Variants in ANKRD62 observed in about 807,000 individuals in gnomAD.
ANKRD62 encodes ankyrin repeat domain-containing protein 62.
ANKRD62 carries 61 observed loss-of-function variants against 98.8 expected under a neutral mutation model. The observed-to-expected ratio is 0.62, with a 90% CI of 0.50 to 0.76. The LOEUF (loss-of-function observed/expected upper bound fraction) is 0.76. Ranked by LOEUF, ANKRD62 falls within the 30% of genes least tolerant of loss-of-function variation. ANKRD62 has a pLI of 0.00. For missense variants in ANKRD62, 933 were observed against 1,082.9 expected (o/e 0.86, Z 1.94); for synonymous variants, 341 against 367.9 (o/e 0.93, Z 0.84).
rs1238595307 is a variant in ANKRD62 at position 12,097,792 on chromosome 18, G to A, written c.752+15G>A. 7.8e-6 allele frequency: 12 copies of A among 1,534,174 alleles called. No homozygotes were observed. Among genetic ancestry groups the A allele is most frequent in the Admixed American group, 2.0e-5 (1 of 50,226 alleles). On this transcript the variant is annotated intron_variant, in intron 5 of 13. Transcript: ENST00000587848. ...AAGTTTCAAGCGTAAGTGTTAAAAA[G>A]GCTAGTGAACACTAAATTGAGGTTT...
At chr18:12,170,958 C>G in the ANKRD62 span, among the ~76,000 whole-genome samples, 1 of 137,028 alleles carries the variant, frequency 7.3e-6, no homozygotes, top group African/African-American at 2.7e-5. Context: ...GCAACCCCTG[C>G]TTTTTTTTTT....
the ANKRD62 span, among the ~76,000 whole-genome samples, chr18:12,160,835 A>G: frequency 2.6e-5 from 4 of 152,156 alleles, no homozygotes. Flanking sequence ...TTAAGAACAA[A>G]AAATGGCGGT....
At chr18:12,118,070 C>G (rs1227239478) in intron 10 of ANKRD62, among the ~76,000 whole-genome samples, 2 of 152,128 alleles carry the variant, frequency 1.3e-5, no homozygotes, top group South Asian at 2.1e-4. Context: ...ATTGGCACAT[C>G]AGAATCACCT....
chr18:12,113,476 A>G lies in ANKRD62; in HGVS notation c.1065-1612A>G, dbSNP rs1909592358. On this transcript the variant is annotated intron_variant, in intron 8 of 13. Coordinates refer to ENST00000587848, the MANE Select transcript of ANKRD62 (RefSeq NM_001277333.2). ...CATCGTCTCTACTAAAAATACAAAA[A>G]TTAACCTGGCGTGGTGGCACTCGCC... Among the ~76,000 whole-genome samples the G allele has an allele frequency of 2.0e-5, 3 of 152,198 alleles. No homozygotes were observed. In the South Asian group the frequency reaches 6.2e-4, roughly 31 times the overall value.
At chr18:12,177,235 G>A in the ANKRD62 span, among the ~76,000 whole-genome samples, 1 of 152,160 alleles carries the variant, frequency 6.6e-6, no homozygotes, top group Admixed American at 6.5e-5. Context: ...AACCTTCTGT[G>A]GGGAGAGTAA....
In ANKRD62 at chr18:12,128,643, C is replaced by A. The variant is rs1027157556; in HGVS notation, c.*704C>A. ...AAGATGACACTTTTAAATAAATTAT[C>A]TCCTAATGATGACATGAGCCCTGCC... On this transcript the variant is annotated 3_prime_UTR_variant, in exon 14 of 14. Transcript: ENST00000587848. The A allele has an allele frequency of 1.2e-4, 18 of 152,216 alleles. No homozygotes were observed. Among genetic ancestry groups the A allele is most frequent in the African/African-American group, 4.1e-4 (17 of 41,442 alleles). 9.4% of individuals were successfully genotyped at this position (152,216 alleles called of 1,614,324 possible). A position where few individuals can be genotyped will look rare whatever the true frequency, so the allele number is the denominator to read the frequency against.
In ANKRD62 at chr18:12,102,441, G is replaced by A. The variant is rs574523721; in HGVS notation, c.821-717G>A. 1.3e-5 allele frequency: 6 copies of A among 474,296 alleles called. 1 individual carries two copies. Among genetic ancestry groups the A allele is most frequent in the South Asian group, 9.8e-5 (5 of 50,960 alleles). 29.4% of individuals were successfully genotyped at this position (474,296 alleles called of 1,614,324 possible). A position where few individuals can be genotyped will look rare whatever the true frequency, so the allele number is the denominator to read the frequency against. ...AGAGCTCAGCCTCCTTGGGCACCGC[G>A]AAGGGTACTCAGTCTCCAGAGAACC... is the stretch of plus-strand genomic sequence containing the variant. On this transcript the variant is annotated intron_variant, in intron 6 of 13. Coordinates refer to ENST00000587848, the MANE Select transcript of ANKRD62 (RefSeq NM_001277333.2).
intron 10 of ANKRD62, among the ~76,000 whole-genome samples, chr18:12,121,426 C>T (rs1398898777): frequency 2.0e-5 from 3 of 152,100 alleles, no homozygotes; most frequent in East Asian, 1.9e-4. Flanking sequence ...CTTTTTCTAT[C>T]GTGTCCCCTC....
chr18:12,166,595 G>C, the ANKRD62 span, among the ~76,000 whole-genome samples: 1 of 151,904 alleles, frequency 6.6e-6, no homozygotes, highest in Non-Finnish European at 1.5e-5. Context: ...AGTCTGAAAA[G>C]TCACATATCT....
chr18:12,160,662 G>C, the ANKRD62 span, among the ~76,000 whole-genome samples: 1 of 152,114 alleles, frequency 6.6e-6, no homozygotes, highest in Non-Finnish European at 1.5e-5. Flanking sequence ...TTATCTATCA[G>C]CAGCTCTTAT....
chr18:12,154,200 A>C, the ANKRD62 span, among the ~76,000 whole-genome samples: 5 of 152,238 alleles, frequency 3.3e-5, no homozygotes, highest in African/African-American at 1.2e-4. Flanking sequence ...CAAACTATGA[A>C]TCTGACAAAG....
At position 12,095,507 on chromosome 18, in the gene ANKRD62, A is replaced by C. The variant is rs1411403510; in HGVS notation, c.404A>C (p.Asp135Ala). ...CATGGCGCCAACCCAAATGTTAGAGATATGTATGGCAACACTGCTCTGCAC... is the reference window on the plus strand; with the variant it reads ...CATGGCGCCAACCCAAATGTTAGAGCTATGTATGGCAACACTGCTCTGCAC... ...LEHGANPNVR[D>A]MYGNTALHYA... is the part of the protein sequence containing the mutation. Residue 135 changes from aspartate to alanine, a missense_variant, in exon 3 of 14, where the codon GAT becomes GCT. This residue lies in a region of ANKRD62 where 549 missense variants were observed against 587.9 expected (regional missense o/e 0.93). Transcript: ENST00000587848. 4.5e-6 allele frequency: 7 copies of C among 1,570,758 alleles called. No individual in the cohort carries two copies. Among genetic ancestry groups the C allele is most frequent in the Non-Finnish European group, 3.4e-6 (4 of 1,164,192 alleles).
rs1246418531 is a variant in ANKRD62 at position 12,128,087 on chromosome 18, AT to A, written c.*153del. 1 of 438,178 alleles carries A rather than the reference AT, an allele frequency of 2.3e-6. No homozygotes were observed. Among genetic ancestry groups the A allele is most frequent in the African/African-American group, 2.0e-5 (1 of 49,052 alleles). The allele number at this position is 438,178 out of a possible 1,614,324, so 27.1% of individuals were successfully genotyped here. Reference sequence around the variant, plus strand: ...TCTGCCATGTTTTATAATTATAAATATTTTTCTTACACTATTTCCCCTTATG... The same window carrying A: ...TCTGCCATGTTTTATAATTATAAATATTTTCTTACACTATTTCCCCTTATG... On this transcript the variant is annotated 3_prime_UTR_variant, in exon 14 of 14. Coordinates refer to ENST00000587848, the MANE Select transcript of ANKRD62 (RefSeq NM_001277333.2).
At chr18:12,125,292 C>G (rs771411259) in intron 12 of ANKRD62, among the ~76,000 whole-genome samples, 168 bp from the exon 13 acceptor site, 2 of 151,952 alleles carry the variant, frequency 1.3e-5, no homozygotes, top group Non-Finnish European at 2.9e-5. Context: ...AGAATTTACT[C>G]TCTAAAAGGT....
chr18:12,169,718 C>G, the ANKRD62 span, among the ~76,000 whole-genome samples: 1 of 152,124 alleles, frequency 6.6e-6, no homozygotes, highest in Non-Finnish European at 1.5e-5. Context: ...GTACCAGATC[C>G]TTTTTGTACC....
Position 12,115,116 on chromosome 18 carries a change from A to T in ANKRD62, c.1093A>T (p.Ser365Cys). 7.1e-7 allele frequency: 1 copy of T among 1,407,394 alleles called. No individual in the cohort carries two copies. The highest frequency in any genetic ancestry group is 9.2e-7 in the Non-Finnish European group (1 of 1,088,102). 87.2% of individuals were successfully genotyped at this position (1,407,394 alleles called of 1,614,324 possible). ...TGCAAGGAAAACCTCTAATGAAAAGAGCAAGGTATTATAAAAGTAAATTGT... is the reference window on the plus strand; with the variant it reads ...TGCAAGGAAAACCTCTAATGAAAAGTGCAAGGTATTATAAAAGTAAATTGT... The part of the protein sequence containing the change: ...RLARKTSNEK[S>C]KVKSQIYFTD... Residue 365 changes from serine (S) to cysteine (C), a missense_variant, in exon 9 of 14, where the codon AGC becomes TGC. Transcript: ENST00000587848.
At chr18:12,096,648 AT>A (rs911970104) in intron 4 of ANKRD62, among the ~76,000 whole-genome samples, 4 of 152,160 alleles carry the variant, frequency 2.6e-5, no homozygotes, top group African/African-American at 9.7e-5. Flanking sequence ...CAATATTGAA[AT>A]TTCTTAACTC....
At chr18:12,116,060 G>C (rs73410933) in intron 10 of ANKRD62, among the ~76,000 whole-genome samples, 1,665 of 152,118 alleles carry the variant, frequency 0.011, 30 homozygotes, top group African/African-American at 0.035. Flanking sequence ...CAGTGCCCCA[G>C]GTGTTTGCTC....
At chr18:12,178,341 A>G in the ANKRD62 span, among the ~76,000 whole-genome samples, 1 of 148,864 alleles carries the variant, frequency 6.7e-6, no homozygotes, top group Non-Finnish European at 1.5e-5. Context: ...GTGTGAGTGA[A>G]AAGTCTGCAG....
Sources: gnomAD v4.1 joint callset for allele counts (sites outside exome capture counted in the v4.1 genomes callset) on GRCh38, gnomAD v4.1.1 for gene constraint, gnomAD v4.1.1 regional missense constraint, MANE v1.5 for transcripts, NCBI Gene and HGNC (gene_info 2026-07-23, HGNC 2026-07-21) for gene names.